The following DENND2B variants were observed in gnomAD, a reference collection of about 807,000 sequenced individuals.
DENND2B encodes the protein DENN domain-containing protein 2B.
In DENND2B, 32 loss-of-function variants were observed where a neutral mutation model predicts 116.0. That is an observed-to-expected ratio of 0.28 (90% CI 0.21 to 0.37). DENND2B has a LOEUF of 0.37. Ranked by LOEUF, DENND2B falls within the 10% of genes least tolerant of loss-of-function variation. The pLI, the probability that DENND2B is intolerant of heterozygous loss-of-function variation, is 1.00. For missense variants in DENND2B, 1,276 were observed against 1,477.7 expected, an observed-to-expected ratio of 0.86 and a Z score of 2.24; for synonymous variants, 588 against 583.9, an observed-to-expected ratio of 1.01 and a Z score of -0.10.
rs115598488 is a variant in DENND2B at position 8,712,738 on chromosome 11, G to A, written c.1988-3C>T. ...GTGGACCAGGCGCTGTGTGTGGGCT[G>A]GAGGCAGGTTGCACATCAGGGAATG... On this transcript the variant is annotated splice_polypyrimidine_tract_variant and splice_region_variant and intron_variant, in intron 8 of 19. Coordinates refer to ENST00000313726, the MANE Select transcript of DENND2B (RefSeq NM_213618.2). This position sits in a 1 kb window ranked among gnomAD's most constrained non-coding sequence, Gnocchi z 4.4. 1,254 of 1,606,660 alleles carry A rather than the reference G, an allele frequency of 7.8e-4. 15 individuals carry two copies. The African/African-American group carries it at 0.014, about 18-fold the overall frequency.
chr11:8,817,955 T>C (rs2061628663), intron 4 of DENND2B, among the ~76,000 whole-genome samples: 1 of 151,358 alleles, frequency 6.6e-6, no homozygotes, highest in African/African-American at 2.4e-5. Flanking sequence ...AAAGCACCAT[T>C]TTACCCTTCT....
At chr11:8,718,382 C>T (rs1261433375) in intron 4 of DENND2B, 3 of 1,535,266 alleles carry the variant, frequency 2.0e-6, no homozygotes, top group Non-Finnish European at 2.6e-6. Flanking sequence ...CATGGAGGAA[C>T]TCACAGAACC....
intron 1 of DENND2B, among the ~76,000 whole-genome samples, chr11:8,761,837 G>A (rs892395972): frequency 5.9e-5 from 9 of 152,138 alleles, no homozygotes; most frequent in Admixed American, 2.0e-4. Context: ...TAATACCTCC[G>A]TTTTACCACA....
rs767730662 is a variant in DENND2B, at chr11:8,707,823, A to G, written c.2384T>C (p.Val795Ala). ...PSGKGPRLPE[V>A]YCVISRLGCF... ...GCCAAGGCGGCTGATGACACAGTAC[A>G]CCTCTGGCAACCGGGGCCCTTTCCC... Residue 795 changes from valine (V) to alanine (A), a missense_variant, in exon 12 of 20, where the codon GTG (valine) becomes GCG (alanine). Coordinates refer to ENST00000313726, the MANE Select transcript of DENND2B (RefSeq NM_213618.2). The surrounding 1 kb of genome is among the most constrained non-coding windows in gnomAD (Gnocchi z 4.8). 1.2e-6 allele frequency: 2 copies of G among 1,611,072 alleles called. No homozygotes were observed.
intron 14 of DENND2B, chr11:8,699,798 C>T: frequency 4.4e-6 from 2 of 455,728 alleles, no homozygotes; most frequent in Non-Finnish European, 8.8e-6. Flanking sequence ...GCAAGAGGGA[C>T]AAAGAACTTG....
At chr11:8,724,122 T>C (rs1207456214) in intron 4 of DENND2B, among the ~76,000 whole-genome samples, 3 of 152,070 alleles carry the variant, frequency 2.0e-5, no homozygotes, top group African/African-American at 4.8e-5. Context: ...GGTGAAACCC[T>C]GTCTCTACTA....
intron 2 of DENND2B, among the ~76,000 whole-genome samples, chr11:8,866,974 A>G (rs1295382906): frequency 2.0e-5 from 3 of 151,480 alleles, no homozygotes; most frequent in Non-Finnish European, 4.4e-5. Flanking sequence ...TTGATTTCGC[A>G]TTTTTTATTT....
intron 1 of DENND2B, among the ~76,000 whole-genome samples, chr11:8,801,967 G>C (rs2060378255): frequency 7.9e-6 from 1 of 127,328 alleles, no homozygotes. Context: ...ACTCTAGCCT[G>C]TGTGACACAG....
chr11:8,821,302 T>C (rs148317413), intron 4 of DENND2B, among the ~76,000 whole-genome samples: 1 of 151,688 alleles, frequency 6.6e-6, no homozygotes, highest in East Asian at 2.0e-4. Context: ...ACGTTTTTTA[T>C]TTAAAAATTA....
chr11:8,822,744 C>T (rs2061813452), intron 4 of DENND2B, among the ~76,000 whole-genome samples: 1 of 152,198 alleles, frequency 6.6e-6, no homozygotes, highest in Non-Finnish European at 1.5e-5. Context: ...TTCCTCCTTT[C>T]CCTACCAAGC....
intron 4 of DENND2B, among the ~76,000 whole-genome samples, chr11:8,825,058 T>C (rs1355919974): frequency 6.6e-6 from 1 of 152,186 alleles, no homozygotes; most frequent in Non-Finnish European, 1.5e-5. Flanking sequence ...GATTGCTGGG[T>C]GGAATGGTAT....
rs185702002 is a variant in DENND2B, at chr11:8,870,427, G to A, written c.-250+527C>T. On this transcript the variant is annotated intron_variant, in intron 2 of 6. Coordinates refer to the DENND2B transcript ENST00000524757. Reference sequence around the variant, plus strand: ...AGTGAACCATCCACAAATAAACATAGTTTAACTTGTTGCAGTAATAGCATG... The same window carrying A: ...AGTGAACCATCCACAAATAAACATAATTTAACTTGTTGCAGTAATAGCATG... Among the ~76,000 whole-genome samples the A allele has an allele frequency of 5.9e-5, 9 of 152,312 alleles. No individual in the cohort carries two copies. In the East Asian group the frequency reaches 1.5e-3, roughly 26 times the overall value.
At chr11:8,870,203 G>A (rs911989987) in intron 2 of DENND2B, among the ~76,000 whole-genome samples, 2 of 152,164 alleles carry the variant, frequency 1.3e-5, no homozygotes, top group African/African-American at 2.4e-5. Flanking sequence ...ACTTAATGAA[G>A]AAGTTATTTT....
chr11:8,710,753 GCACACACA>G (rs56230708), intron 11 of DENND2B, 84 bp downstream of exon 11: 81,388 of 827,432 alleles, frequency 0.098, 1,366 homozygotes, highest in East Asian at 0.23. Flanking sequence ...TTGCAGAAGG[GCACACACA>G]CACACACACA....
intron 1 of DENND2B, among the ~76,000 whole-genome samples, chr11:8,765,716 T>C (rs115177848): frequency 0.017 from 2,648 of 152,154 alleles, 71 homozygotes; most frequent in African/African-American, 0.059. Context: ...GGCTACTCAG[T>C]TGTTAGGATA....
intron 14 of DENND2B, among the ~76,000 whole-genome samples, chr11:8,700,499 A>T (rs1334956544): frequency 1.3e-5 from 2 of 152,136 alleles, no homozygotes; most frequent in African/African-American, 2.4e-5. Flanking sequence ...TCTGAAGGCA[A>T]TCGGGAGTTC....
rs1269219100 is a variant in DENND2B at position 8,717,949 on chromosome 11, T to TCA, written c.1478-59_1478-58dup. On this transcript the variant is annotated intron_variant, in intron 4 of 19. Transcript: ENST00000313726. ...GAAGGGAAGAAGGAAACACACGAAC[T>TCA]CACACACACACAAATAAACAAGCAG... The TCA allele has an allele frequency of 6.4e-6, 10 of 1,568,304 alleles. No individual in the cohort carries two copies. In the East Asian group the frequency reaches 1.1e-4, roughly 18 times the overall value.
chr11:8,882,366 C>T (rs2134729438), intron 1 of DENND2B, among the ~76,000 whole-genome samples: 1 of 152,294 alleles, frequency 6.6e-6, no homozygotes, highest in South Asian at 2.1e-4. Context: ...TTACTCTCTC[C>T]CTTGGCACCC....
intron 5 of DENND2B, 50 bp downstream of exon 5, chr11:8,717,691 C>A: frequency 6.7e-7 from 1 of 1,485,054 alleles, no homozygotes; most frequent in Non-Finnish European, 9.0e-7. Flanking sequence ...AGCAGGCCCC[C>A]ACTGTGGCCC....
Sources: allele counts gnomAD v4.1 joint callset (sites outside exome capture counted in the v4.1 genomes callset), GRCh38; gene constraint gnomAD v4.1.1; non-coding constraint Gnocchi (gnomAD v3.1); transcripts MANE v1.5; gene names NCBI Gene and HGNC (gene_info 2026-07-23, HGNC 2026-07-21).